Variants in ZNF366 observed in about 807,000 individuals in gnomAD.
ZNF366 encodes the protein dendritic cell-specific transcript protein.
A neutral mutation model predicts 47.2 loss-of-function variants in ZNF366; 20 were observed. The ratio of observed to expected loss-of-function variants is 0.42; its 90% CI spans 0.30 to 0.62. The LOEUF is 0.62. ZNF366 is among the 20% of genes least tolerant of loss of function. The pLI, the probability that ZNF366 is intolerant of heterozygous loss-of-function variation, is 0.16. For missense variants in ZNF366, 987 were observed against 976.3 expected, an observed-to-expected ratio of 1.01 and a Z score of -0.15; for synonymous variants, 421 against 395.1, an observed-to-expected ratio of 1.07 and a Z score of -0.78.
At chr5:72,505,894 A>C (rs1048485663) in intron 1 of ZNF366, among the ~76,000 whole-genome samples, 1 of 152,252 alleles carries the variant, frequency 6.6e-6, no homozygotes, top group African/African-American at 2.4e-5. Flanking sequence ...GGCAAACGCT[A>C]TTCACGTCTC....
At chr5:72,464,607 G>A (rs532539754) in intron 1 of ZNF366, among the ~76,000 whole-genome samples, 1 of 152,014 alleles carries the variant, frequency 6.6e-6, no homozygotes, top group South Asian at 2.1e-4. Flanking sequence ...GTCCCCAAAT[G>A]CAGAGAATTT....
At chr5:72,444,365 C>T (rs950356135) in intron 4 of ZNF366, 74 bp from the exon 5 acceptor site, 9 of 1,506,846 alleles carry the variant, frequency 6.0e-6, no homozygotes, top group African/African-American at 5.6e-5. Flanking sequence ...AGGGGAGCAG[C>T]CCGGGGCCGT....
intron 1 of ZNF366, among the ~76,000 whole-genome samples, chr5:72,465,735 A>T (rs1205616780): frequency 6.6e-6 from 1 of 152,170 alleles, no homozygotes; most frequent in Admixed American, 6.5e-5. Flanking sequence ...AAAGAGTTGA[A>T]ACAACGTGCA....
At chr5:72,474,216 C>G (rs1743625699) in intron 1 of ZNF366, among the ~76,000 whole-genome samples, 1 of 152,128 alleles carries the variant, frequency 6.6e-6, no homozygotes, top group Admixed American at 6.5e-5. Context: ...AAGATGAGAT[C>G]AGGAGTTTCT....
chr5:72,443,965 C>T lies in ZNF366; in HGVS notation c.2026G>A (p.Glu676Lys). The change falls in exon 5 of 5, where the codon GAG (glutamate) becomes AAG (lysine). Residue 676 changes from glutamate (E) to lysine (K), a missense_variant. Physicochemically the swap from Glu to Lys is moderately conservative, Grantham distance 56 (BLOSUM62 1). This residue lies in a region of ZNF366 where 285 missense variants were observed against 234.8 expected (regional missense o/e 1.21). Coordinates refer to ENST00000318442, the MANE Select transcript of ZNF366 (RefSeq NM_152625.3). ...EKEDASKGEW[E>K]KRSKGDLGAE... ...CCAAGGTCACCCTTGCTCCTCTTCT[C>T]CCATTCTCCCTTGGATGCATCCTCC... 1 of 1,614,212 alleles carries T rather than the reference C, an allele frequency of 6.2e-7. No individual in the cohort carries two copies. Among genetic ancestry groups the T allele is most frequent in the Non-Finnish European group, 8.5e-7 (1 of 1,180,034 alleles).
intron 1 of ZNF366, among the ~76,000 whole-genome samples, chr5:72,462,354 G>A (rs1423114307): frequency 6.6e-6 from 1 of 152,134 alleles, no homozygotes; most frequent in Non-Finnish European, 1.5e-5. Flanking sequence ...AGGTGTCAAA[G>A]TAAGGGGCAG....
chr5:72,451,934 G>A (rs1397833058), intron 3 of ZNF366, among the ~76,000 whole-genome samples: 1 of 152,216 alleles, frequency 6.6e-6, no homozygotes, highest in Non-Finnish European at 1.5e-5. Context: ...CCAGAGCCTG[G>A]AGGCACCTCA....
At chr5:72,447,705 T>C (rs1336045640) in intron 3 of ZNF366, among the ~76,000 whole-genome samples, 1 of 152,156 alleles carries the variant, frequency 6.6e-6, no homozygotes, top group East Asian at 1.9e-4. Flanking sequence ...GAAGAGCTGA[T>C]CTAAAAAGCA....
At chr5:72,465,373 G>C (rs1448998635) in intron 1 of ZNF366, among the ~76,000 whole-genome samples, 1 of 152,170 alleles carries the variant, frequency 6.6e-6, no homozygotes, top group African/African-American at 2.4e-5. Flanking sequence ...CTGGGGAAGG[G>C]GAGTGTTGAA....
Position 72,441,545 on chromosome 5 carries a change from C to T in ZNF366, c.*2211G>A, listed in dbSNP as rs1432930175. The stretch of plus-strand genomic sequence containing the variant: ...CAATCTCCGTTGCAGGTGCCCTTAC[C>T]TCAGGACATAGTACTCTTAGCACTT... On this transcript the variant is annotated 3_prime_UTR_variant, in exon 5 of 5. Coordinates refer to ENST00000318442, the MANE Select transcript of ZNF366 (RefSeq NM_152625.3). The T allele has an allele frequency of 4.6e-5, 7 of 152,270 alleles. No homozygotes were observed. Among genetic ancestry groups the T allele is most frequent in the African/African-American group, 1.7e-4 (7 of 41,458 alleles). 9.4% of individuals were successfully genotyped at this position (152,270 alleles called of 1,614,324 possible).
At chr5:72,468,302 AC>A (rs992958141) in intron 1 of ZNF366, among the ~76,000 whole-genome samples, 4 of 152,134 alleles carry the variant, frequency 2.6e-5, no homozygotes, top group African/African-American at 9.7e-5. Context: ...AGGCCCCAGG[AC>A]CCTTCCAGAT....
At chr5:72,478,742 A>C (rs1467015788) in intron 1 of ZNF366, among the ~76,000 whole-genome samples, 1 of 152,230 alleles carries the variant, frequency 6.6e-6, no homozygotes, top group African/African-American at 2.4e-5. Context: ...ATATTCTGCA[A>C]ATGTAAAGTG....
rs142422640 is a variant in ZNF366 at position 72,446,951 on chromosome 5, G to A, written c.1699+292C>T. Among the ~76,000 whole-genome samples, 338 of 152,268 alleles carry A rather than the reference G, an allele frequency of 2.2e-3. 4 individuals are homozygous for A. The highest frequency in any genetic ancestry group is 0.019 in the Admixed American group (286 of 15,302). On this transcript the variant is annotated intron_variant, in intron 4 of 4. Transcript: ENST00000318442. ...GAAATAATAGAAGTTCTTCCAGCTT[G>A]GAGTTGCCATGAATATTAGCGACAA...
intron 1 of ZNF366, among the ~76,000 whole-genome samples, chr5:72,478,776 C>A (rs1014064291): frequency 6.6e-6 from 1 of 152,144 alleles, no homozygotes; most frequent in Non-Finnish European, 1.5e-5. Context: ...GGGAACTGGC[C>A]ATTGAAAGGG....
intron 3 of ZNF366, among the ~76,000 whole-genome samples, chr5:72,452,268 G>C (rs1274633751): frequency 1.3e-5 from 2 of 152,192 alleles, no homozygotes; most frequent in African/African-American, 4.8e-5. Flanking sequence ...GAGAGGGAGG[G>C]AGGGAGAGAG....
intron 3 of ZNF366, 60 bp from the exon 4 acceptor site, chr5:72,447,477 C>A (rs1286943671): frequency 3.2e-6 from 5 of 1,576,908 alleles, no homozygotes. Context: ...CCATCCAGGC[C>A]CCTGGAGCAC....
At position 72,506,733 on chromosome 5, in the gene ZNF366, C is replaced by A. The variant is rs560431544; in HGVS notation, c.-15+518G>T. 1.1e-4 allele frequency among the ~76,000 whole-genome samples: 16 copies of A among 152,294 alleles called. No homozygotes were observed. The East Asian group carries it at 3.1e-3, about 29-fold the overall frequency. ...CAAGTGACATTCCCTTCTCTCTTTCCCTTCTACTTCAGTGATGCAGAATAA... is the reference window on the plus strand; with the variant it reads ...CAAGTGACATTCCCTTCTCTCTTTCACTTCTACTTCAGTGATGCAGAATAA... On this transcript the variant is annotated intron_variant, in intron 1 of 4. Transcript: ENST00000318442.
chr5:72,483,704 G>A (rs2093117264), intron 1 of ZNF366, among the ~76,000 whole-genome samples: 1 of 152,124 alleles, frequency 6.6e-6, no homozygotes, highest in Admixed American at 6.5e-5. Context: ...ATCCTAAACT[G>A]TACCAAGGGG....
intron 1 of ZNF366, among the ~76,000 whole-genome samples, chr5:72,469,740 T>C (rs897348559): frequency 3.3e-5 from 5 of 152,202 alleles, no homozygotes; most frequent in African/African-American, 1.2e-4. Flanking sequence ...GCCCTAACAT[T>C]CCTTGAAATG....
Sources: gnomAD v4.1 joint callset for allele counts (sites outside exome capture counted in the v4.1 genomes callset) on GRCh38, gnomAD v4.1.1 for gene constraint, gnomAD v4.1.1 regional missense constraint, MANE v1.5 for transcripts, NCBI Gene and HGNC (gene_info 2026-07-23, HGNC 2026-07-21) for gene names.